CENPP: variants seen among roughly 807,000 people sequenced by gnomAD.
CENPP encodes the protein centromere protein P.
CENPP carries 24 observed loss-of-function variants against 35.6 expected under a neutral mutation model. The ratio of observed to expected loss-of-function variants is 0.67; its 90% CI spans 0.49 to 0.95. The LOEUF (loss-of-function observed/expected upper bound fraction) is 0.95, where lower values mean the gene tolerates loss of function less well. Ranked by LOEUF, CENPP falls within the 40% of genes least tolerant of loss-of-function variation. The pLI is 0.00. For synonymous variants in CENPP, 120 were observed against 125.5 expected (o/e 0.96, Z 0.29); for missense variants, 332 against 345.3 (o/e 0.96, Z 0.31).
At chr9:92,589,464 A>G (rs908910351) in intron 5 of CENPP, among the ~76,000 whole-genome samples, 3 of 152,206 alleles carry the variant, frequency 2.0e-5, no homozygotes, top group Non-Finnish European at 4.4e-5. Context: ...AGGGAAAAAA[A>G]AAAATCCAAA....
Position 92,618,408 on chromosome 9 carries a change from A to G in CENPP, c.*5259A>G. ...AATTTGACATCACTGACCAGGCACT[A>G]AGAGATTCCCAGGTGCTAGACGAGG... On this transcript the variant is annotated 3_prime_UTR_variant, in exon 8 of 8. Coordinates refer to ENST00000375587, the MANE Select transcript of CENPP (RefSeq NM_001012267.3). 1 of 456,698 alleles carries G rather than the reference A, an allele frequency of 2.2e-6. No homozygotes were observed. Among genetic ancestry groups the G allele is most frequent in the South Asian group, 1.5e-5 (1 of 64,572 alleles). The allele number at this position is 456,698 out of a possible 1,614,324, so 28.3% of individuals were successfully genotyped here.
chr9:92,438,810 A>G (rs7868640), intron 5 of CENPP, among the ~76,000 whole-genome samples: 67,518 of 152,060 alleles, frequency 0.44, 17,268 homozygotes, highest in African/African-American at 0.7. Context: ...AAAATTAACC[A>G]GGCATGGTGG....
At chr9:92,374,240 G>GGTGTGT (rs1842073907) in intron 4 of CENPP, among the ~76,000 whole-genome samples, 1 of 102,024 alleles carries the variant, frequency 9.8e-6, no homozygotes. Context: ...TTTGCTGTTT[G>GGTGTGT]CTGTGTGTGT....
intron 4 of CENPP, among the ~76,000 whole-genome samples, chr9:92,352,505 G>GTGTGTGTA: frequency 6.0e-5 from 3 of 49,788 alleles, no homozygotes; most frequent in African/African-American, 1.8e-4. Context: ...GTGTGTGTGT[G>GTGTGTGTA]TATACATATA....
In CENPP at chr9:92,390,587, T is replaced by C. The variant is rs80197109; in HGVS notation, c.564+10728T>C. 7.4e-3 allele frequency among the ~76,000 whole-genome samples: 1,057 copies of C among 141,902 alleles called. 15 individuals carry two copies. The highest frequency in any genetic ancestry group is 0.029 in the East Asian group (127 of 4,388). The allele number at this position is 141,902 out of a possible 152,430, so 93.1% of individuals were successfully genotyped here. ...CAGTGTGTGTGTGTGTGTGTGTGTGTGCGCGCGCGCGTACTTGCGTGTGCA... is the reference window on the plus strand; with the variant it reads ...CAGTGTGTGTGTGTGTGTGTGTGTGCGCGCGCGCGCGTACTTGCGTGTGCA... On this transcript the variant is annotated intron_variant, in intron 5 of 7. Transcript: ENST00000375587.
At position 92,522,546 on chromosome 9, in the gene CENPP, T is replaced by G. The variant is rs184137124; in HGVS notation, c.565-88768T>G. On this transcript the variant is annotated intron_variant, in intron 5 of 7. Transcript: ENST00000375587. ...ACCATCTCTCACCCTCCTCCCTCTT[T>G]CTGTCTCTCTCTCATAGTGTTCTCT... The G allele has an allele frequency of 3.2e-6, 5 of 1,548,044 alleles. No homozygotes were observed. The African/African-American group carries it at 6.8e-5, about 21-fold the overall frequency.
chr9:92,470,985 G>A (rs2131073032), intron 5 of CENPP, among the ~76,000 whole-genome samples: 1 of 152,236 alleles, frequency 6.6e-6, no homozygotes, highest in Middle Eastern at 3.4e-3. Context: ...TTTACAAGGT[G>A]TCTAGATTGG....
chr9:92,491,914 G>A (rs962797254), intron 5 of CENPP, among the ~76,000 whole-genome samples: 4 of 152,116 alleles, frequency 2.6e-5, no homozygotes, highest in African/African-American at 7.2e-5. Context: ...CTGGCCTGAG[G>A]AGCCCTCGTC....
chr9:92,457,844 A>G (rs1844941499), intron 5 of CENPP, among the ~76,000 whole-genome samples: 1 of 152,174 alleles, frequency 6.6e-6, no homozygotes, highest in African/African-American at 2.4e-5. Context: ...TACTTTTATA[A>G]ACATACATAT....
chr9:92,507,873 C>A (rs1361040555), intron 5 of CENPP, among the ~76,000 whole-genome samples: 1 of 152,170 alleles, frequency 6.6e-6, no homozygotes, highest in Non-Finnish European at 1.5e-5. Flanking sequence ...AATTCCCTGC[C>A]CTTCAGCAAG....
chr9:92,390,952 A>G (rs563472618), intron 5 of CENPP, among the ~76,000 whole-genome samples: 1 of 152,258 alleles, frequency 6.6e-6, no homozygotes, highest in South Asian at 2.1e-4. Context: ...CTTCAGCACC[A>G]TGTGTTGGGT....
intron 4 of CENPP, among the ~76,000 whole-genome samples, chr9:92,373,973 G>T (rs1046787037): frequency 1.3e-5 from 2 of 151,864 alleles, no homozygotes; most frequent in African/African-American, 4.8e-5. Context: ...GTTGATATCT[G>T]CACATACACT....
chr9:92,461,986 T>A (rs528985139), intron 5 of CENPP, among the ~76,000 whole-genome samples: 1 of 152,254 alleles, frequency 6.6e-6, no homozygotes, highest in South Asian at 2.1e-4. Context: ...TTTCTTTTCT[T>A]TTCTTTTTTG....
chr9:92,468,272 G>T (rs1276937712), intron 5 of CENPP, among the ~76,000 whole-genome samples: 1 of 152,212 alleles, frequency 6.6e-6, no homozygotes, highest in African/African-American at 2.4e-5. Context: ...TGCAGCACTG[G>T]TAAGAGCCGC....
At chr9:92,577,872 A>C (rs1398633328) in intron 5 of CENPP, among the ~76,000 whole-genome samples, 1 of 151,658 alleles carries the variant, frequency 6.6e-6, no homozygotes, top group Non-Finnish European at 1.5e-5. Context: ...ATATGTATAC[A>C]TGTGCCATGC....
intron 5 of CENPP, among the ~76,000 whole-genome samples, chr9:92,514,214 A>C (rs1847538390): frequency 6.7e-6 from 1 of 149,152 alleles, no homozygotes; most frequent in Admixed American, 6.7e-5. Flanking sequence ...CCCCCACCTC[A>C]GCCTCCTGAG....
intron 5 of CENPP, among the ~76,000 whole-genome samples, chr9:92,532,073 C>T (rs1433513943): frequency 4.1e-5 from 5 of 121,216 alleles, no homozygotes; most frequent in African/African-American, 1.8e-4. Context: ...GTTGCCTGGG[C>T]TGGCCTTGAA....
intron 4 of CENPP, among the ~76,000 whole-genome samples, chr9:92,361,790 C>T (rs1841760420): frequency 6.6e-6 from 1 of 152,116 alleles, no homozygotes; most frequent in African/African-American, 2.4e-5. Context: ...CTCAAATGTG[C>T]AGTTTTAAGT....
intron 5 of CENPP, chr9:92,416,529 G>A (rs1843617611): frequency 2.4e-6 from 2 of 846,542 alleles, no homozygotes; most frequent in Non-Finnish European, 3.5e-6. Context: ...TTTCAGCAAT[G>A]TCTAAAGCAT....
Sources: gnomAD v4.1 joint callset for allele counts (sites outside exome capture counted in the v4.1 genomes callset) on GRCh38, gnomAD v4.1.1 for gene constraint, MANE v1.5 for transcripts, NCBI Gene and HGNC (gene_info 2026-07-23, HGNC 2026-07-21) for gene names.